Variants in GPC3 observed in about 807,000 individuals in gnomAD.
GPC3 encodes the protein glypican 3.
A neutral mutation model predicts 34.4 loss-of-function variants in GPC3; 3 were observed. The ratio of observed to expected loss-of-function variants is 0.09; its 90% confidence interval spans 0.04 to 0.23. The LOEUF is 0.23. Among genes scored for constraint, GPC3 ranks in the 10% least tolerant of loss-of-function variants. The probability of loss-of-function intolerance (pLI) is 1.00; values close to 1 mark genes in which losing one functional copy is unlikely to be tolerated. For missense variants in GPC3, 351 were observed against 445.6 expected (o/e 0.79, Z 1.91); for synonymous variants, 177 against 174.0 (o/e 1.02, Z -0.13).
intron 6 of GPC3, among the ~76,000 whole-genome samples, chrX:133,637,437 A>G (rs892429740): frequency 1.8e-5 from 2 of 111,181 alleles, no homozygotes; most frequent in East Asian, 5.6e-4. Flanking sequence ...ATAAAAAATA[A>G]AAAATAATTT....
intron 2 of GPC3, among the ~76,000 whole-genome samples, chrX:133,794,529 ACTATTTGTGCCTTTTAGGTTCT>A (rs2075567458): frequency 8.9e-6 from 1 of 111,882 alleles, no homozygotes; most frequent in Non-Finnish European, 1.9e-5. Flanking sequence ...GTGGGGGGGC[ACTATTTGTGCCTTTTAGGTTCT>A]CTATTCCTTT....
intron 2 of GPC3, among the ~76,000 whole-genome samples, chrX:133,874,377 T>C (rs912135726): frequency 8.9e-6 from 1 of 111,886 alleles, no homozygotes; most frequent in African/African-American, 3.2e-5. Flanking sequence ...TCTTTAAAGA[T>C]TTGTCTATGT....
intron 2 of GPC3, among the ~76,000 whole-genome samples, chrX:133,795,512 G>T (rs1199882609): frequency 3.6e-5 from 4 of 111,393 alleles, no homozygotes. Context: ...TCAAAAACCT[G>T]GCTTAGGTCC....
intron 2 of GPC3, among the ~76,000 whole-genome samples, chrX:133,861,227 T>A (rs180971827): frequency 9.0e-6 from 1 of 111,622 alleles, no homozygotes; most frequent in East Asian, 2.8e-4. Flanking sequence ...TCTAGCTGCA[T>A]CTAGTTTGGT....
intron 7 of GPC3, among the ~76,000 whole-genome samples, chrX:133,580,651 T>C (rs1008233925): frequency 1.8e-5 from 2 of 112,217 alleles, no homozygotes; most frequent in African/African-American, 6.5e-5. Flanking sequence ...TGGGTTCCTT[T>C]TCATTATCAA....
intron 2 of GPC3, among the ~76,000 whole-genome samples, chrX:133,797,140 T>A (rs983245234): frequency 1.8e-5 from 2 of 110,579 alleles, no homozygotes; most frequent in Admixed American, 1.9e-4. Flanking sequence ...GCCTTGCTGC[T>A]GCTGTTACAG....
At chrX:133,822,958 G>T (rs1054589907) in intron 2 of GPC3, among the ~76,000 whole-genome samples, 2 of 107,217 alleles carry the variant, frequency 1.9e-5, no homozygotes, top group East Asian at 5.8e-4. Flanking sequence ...GCGAAACCCG[G>T]TCTCTACTAA....
At chrX:133,922,301 C>T (rs2076252791) in intron 2 of GPC3, among the ~76,000 whole-genome samples, 1 of 112,157 alleles carries the variant, frequency 8.9e-6, no homozygotes, top group African/African-American at 3.2e-5. Context: ...CAAAATGGCA[C>T]TGTGGAAGAC....
chrX:133,730,798 T>TA (rs577734893), intron 3 of GPC3, among the ~76,000 whole-genome samples: 17 of 109,272 alleles, frequency 1.6e-4, no homozygotes, highest in South Asian at 1.2e-3. Flanking sequence ...ATGTCATATA[T>TA]AAAAAAAAAG....
intron 6 of GPC3, among the ~76,000 whole-genome samples, chrX:133,632,583 T>C (rs2070378099): frequency 8.9e-6 from 1 of 112,237 alleles, no homozygotes. Context: ...GCTAAATAGA[T>C]AGATAGTCCA....
intron 2 of GPC3, among the ~76,000 whole-genome samples, chrX:133,919,343 T>C (rs2076237561): frequency 8.9e-6 from 1 of 112,125 alleles, no homozygotes; most frequent in African/African-American, 3.2e-5. Context: ...CATTAAAGTG[T>C]GTATATGTAA....
At chrX:133,557,917 T>A (rs925969978) in intron 7 of GPC3, among the ~76,000 whole-genome samples, 1 of 111,948 alleles carries the variant, frequency 8.9e-6, no homozygotes, top group Non-Finnish European at 1.9e-5. Flanking sequence ...GAGAATGCAA[T>A]TTACTAAAGG....
At chrX:133,851,564 A>G (rs1275309721) in intron 2 of GPC3, among the ~76,000 whole-genome samples, 3 of 111,392 alleles carry the variant, frequency 2.7e-5, no homozygotes, top group Non-Finnish European at 5.7e-5. Flanking sequence ...TATCTCTTCC[A>G]ATTATTTCCC....
intron 5 of GPC3, among the ~76,000 whole-genome samples, chrX:133,679,816 G>A (rs1389374608): frequency 2.7e-5 from 3 of 110,168 alleles, no homozygotes; most frequent in East Asian, 5.7e-4. Context: ...CACCACGCCC[G>A]GCTAATTTTT....
chrX:133,924,397 C>T (rs1569455419), intron 2 of GPC3, among the ~76,000 whole-genome samples: 1 of 111,128 alleles, frequency 9.0e-6, no homozygotes, highest in Non-Finnish European at 1.9e-5. Flanking sequence ...TAACTAGAAG[C>T]GAGTGCAGCC....
chrX:133,798,320 C>T (rs2075592374), intron 2 of GPC3, among the ~76,000 whole-genome samples: 1 of 111,167 alleles, frequency 9.0e-6, no homozygotes, highest in African/African-American at 3.3e-5. Flanking sequence ...ATGAATGGGA[C>T]CCCTCAGCCT....
chrX:133,758,195 C>T (rs2071747556), intron 2 of GPC3, among the ~76,000 whole-genome samples: 1 of 111,643 alleles, frequency 9.0e-6, no homozygotes, highest in African/African-American at 3.3e-5. Context: ...AATCCTAATA[C>T]TTGGTATACA....
intron 2 of GPC3, among the ~76,000 whole-genome samples, chrX:133,760,785 T>C (rs764731541): frequency 7.2e-5 from 8 of 111,658 alleles, no homozygotes; most frequent in Non-Finnish European, 1.1e-4. Context: ...GGGCTTTGGT[T>C]AATAATAATG....
chrX:133,807,358 G>A (rs913753064), intron 2 of GPC3, among the ~76,000 whole-genome samples: 1 of 111,816 alleles, frequency 8.9e-6, no homozygotes, highest in African/African-American at 3.3e-5. Flanking sequence ...AGCAGATGCT[G>A]GCACCATGTT....
Sources: gnomAD v4.1 joint callset for allele counts (sites outside exome capture counted in the v4.1 genomes callset) on GRCh38, gnomAD v4.1.1 for gene constraint, MANE v1.5 for transcripts, NCBI Gene and HGNC (gene_info 2026-07-23, HGNC 2026-07-21) for gene names.